Variants in ABAT observed in about 807,000 individuals in gnomAD.
The protein encoded by ABAT is 4-aminobutyrate aminotransferase, mitochondrial.
ABAT carries 45 observed loss-of-function variants against 64.6 expected under a neutral mutation model. The observed-to-expected ratio is 0.70, with a 90% CI of 0.55 to 0.89. ABAT has a LOEUF of 0.89. ABAT is among the 40% of genes least tolerant of loss of function. The pLI is 0.00. For synonymous variants in ABAT, 297 were observed against 250.5 expected (o/e 1.19, Z -1.75); for missense variants, 633 against 658.4 (o/e 0.96, Z 0.42).
intron 1 of ABAT, among the ~76,000 whole-genome samples, chr16:8,711,773 T>G (rs1596410833): frequency 2.0e-5 from 2 of 98,982 alleles, no homozygotes; most frequent in Admixed American, 1.0e-4. Flanking sequence ...GATGGATGGA[T>G]GGATGGATGG....
chr16:8,779,068 A>G (rs1436772755), intron 14 of ABAT, among the ~76,000 whole-genome samples: 1 of 152,202 alleles, frequency 6.6e-6, no homozygotes. Context: ...TGGAGCATCC[A>G]CCAAGTGCCC....
At chr16:8,741,428 T>C (rs566482958) in intron 2 of ABAT, among the ~76,000 whole-genome samples, 74 of 152,338 alleles carry the variant, frequency 4.9e-4, no homozygotes, top group African/African-American at 1.7e-3. Flanking sequence ...AGCTGTGTGA[T>C]CTTGGGCAAA....
intron 1 of ABAT, among the ~76,000 whole-genome samples, chr16:8,733,609 C>T (rs1410047829): frequency 2.0e-5 from 3 of 151,928 alleles, no homozygotes; most frequent in Non-Finnish European, 4.4e-5. Flanking sequence ...GCTGGCGGAT[C>T]ACTTGCGGTT....
chr16:8,768,252 C>G lies in ABAT; in HGVS notation c.663C>G (p.Thr221=). 6.2e-7 allele frequency: 1 copy of G among 1,614,020 alleles called. No individual in the cohort carries two copies. Among genetic ancestry groups the G allele is most frequent in the Non-Finnish European group, 8.5e-7 (1 of 1,180,042 alleles). ...LSFMGAFHGR[T]MGCLATTHSK... ...TCATGGGCGCGTTCCATGGGAGGAC[C>G]ATGGGTAAGGAGGGACCATTGCGCT... The change falls in exon 10 of 16, where the codon ACC becomes ACG. Residue 221 remains threonine (T), a synonymous_variant. Transcript: ENST00000268251.
rs977787136 is a variant in ABAT at position 8,781,178 on chromosome 16, A to G, written c.1382-131A>G. On this transcript the variant is annotated intron_variant, in intron 15 of 15. Coordinates refer to ENST00000268251, the MANE Select transcript of ABAT (RefSeq NM_020686.6). This position sits in a 1 kb window ranked among gnomAD's most constrained non-coding sequence, Gnocchi z 4.5. ...TGGTAGGAAGGAAGCCCGGGCTTCC[A>G]TGATGGAGGATGATGGATGGATGGA... 60 of 1,442,618 alleles carry G rather than the reference A, an allele frequency of 4.2e-5. 1 individual carries two copies. The East Asian group carries it at 1.4e-3, about 33-fold the overall frequency. 89.4% of individuals were successfully genotyped at this position (1,442,618 alleles called of 1,614,324 possible).
At chr16:8,710,376 A>C (rs756424543) in intron 1 of ABAT, among the ~76,000 whole-genome samples, 1 of 152,162 alleles carries the variant, frequency 6.6e-6, no homozygotes, top group African/African-American at 2.4e-5. Flanking sequence ...AGACTTTTGC[A>C]TGCCATTTCT....
intron 1 of ABAT, among the ~76,000 whole-genome samples, chr16:8,724,990 C>T (rs996897058): frequency 1.3e-5 from 2 of 151,186 alleles, no homozygotes; most frequent in Non-Finnish European, 2.9e-5. Context: ...CATCTCGGCT[C>T]ACCGCAACCT....
Position 8,764,608 on chromosome 16 carries a change from C to T in ABAT, c.448-130C>T. On this transcript the variant is annotated intron_variant, in intron 7 of 15. Transcript: ENST00000268251. The surrounding 1 kb of genome is among the most constrained non-coding windows in gnomAD (Gnocchi z 4.2). ...GCCTGAGCCCACCCTCCCAGTCCGA[C>T]ACCTTCCAGGACAGCCCTGGTTCTG... 1 of 908,586 alleles carries T rather than the reference C, an allele frequency of 1.1e-6. No homozygotes were observed. The highest frequency in any genetic ancestry group is 1.6e-5 in the African/African-American group (1 of 61,096). 56.3% of individuals were successfully genotyped at this position (908,586 alleles called of 1,614,324 possible).
chr16:8,694,314 C>A (rs966726139), intron 1 of ABAT, among the ~76,000 whole-genome samples: 1 of 151,992 alleles, frequency 6.6e-6, no homozygotes, highest in African/African-American at 2.4e-5. Flanking sequence ...TGAGCCACCG[C>A]GCCCGGCCCA....
At chr16:8,739,508 A>G (rs1326926395) in intron 2 of ABAT, among the ~76,000 whole-genome samples, 1 of 152,110 alleles carries the variant, frequency 6.6e-6, no homozygotes, top group East Asian at 1.9e-4. Context: ...ACCTGAGGTC[A>G]GGAGTTCAGG....
In ABAT at chr16:8,764,076, T is replaced by C; in HGVS notation, c.374T>C (p.Phe125Ser). The C allele has an allele frequency of 6.2e-7, 1 of 1,613,800 alleles. No homozygotes were observed. Among genetic ancestry groups the C allele is most frequent in the Non-Finnish European group, 8.5e-7 (1 of 1,179,996 alleles). Reference sequence around the variant, plus strand: ...TCTCTTGCCCTTTTGCAGAGCATGTTTGTCAACAGACCCGCCCTCGGAATC... The same window carrying C: ...TCTCTTGCCCTTTTGCAGAGCATGTCTGTCAACAGACCCGCCCTCGGAATC... ...LIQQPQNASM[F>S]VNRPALGILP... Residue 125 changes from phenylalanine to serine, a missense_variant, in exon 7 of 16, where the codon TTT becomes TCT. Physicochemically the swap from Phe to Ser is radical, Grantham distance 155. Transcript: ENST00000268251. The surrounding 1 kb of genome is among the most constrained non-coding windows in gnomAD (Gnocchi z 4.2).
chr16:8,748,344 C>A (rs1295290970), intron 4 of ABAT, among the ~76,000 whole-genome samples: 1 of 152,150 alleles, frequency 6.6e-6, no homozygotes, highest in African/African-American at 2.4e-5. Flanking sequence ...GTAAATTTCC[C>A]AAATTTCTTT....
At chr16:8,687,381 C>T (rs1015887942) in intron 1 of ABAT, among the ~76,000 whole-genome samples, 1 of 152,082 alleles carries the variant, frequency 6.6e-6, no homozygotes, top group Non-Finnish European at 1.5e-5. Context: ...AAAAAATTAG[C>T]TGGGTGTTGT....
Position 8,781,202 on chromosome 16 carries a change from GAT to G in ABAT, c.1382-106_1382-105del. On this transcript the variant is annotated intron_variant, in intron 15 of 15. Transcript: ENST00000268251. This position sits in a 1 kb window ranked among gnomAD's most constrained non-coding sequence, Gnocchi z 4.5. ...CATGATGGAGGATGATGGATGGATG[GAT>G]GGATGGATGGATGAGCGTTGCCAAC... 1 of 1,551,728 alleles carries G rather than the reference GAT, an allele frequency of 6.4e-7. No homozygotes were observed. Among genetic ancestry groups the G allele is most frequent in the Non-Finnish European group, 8.9e-7 (1 of 1,126,644 alleles).
rs765906752 is a variant in ABAT, at chr16:8,764,185, C to T, written c.447+36C>T. ...GAGAAGCAATCCCATTGTCTTCAGA[C>T]GTGGTACTGGCAGGGGAAGGGAAAA... On this transcript the variant is annotated intron_variant, in intron 7 of 15. Transcript: ENST00000268251. The surrounding 1 kb of genome is among the most constrained non-coding windows in gnomAD (Gnocchi z 4.2). 23 of 1,560,910 alleles carry T rather than the reference C, an allele frequency of 1.5e-5. No homozygotes were observed. In the African/African-American group the frequency reaches 2.2e-4, roughly 15 times the overall value.
At chr16:8,775,108 C>T in intron 13 of ABAT, 51 bp downstream of exon 13, 2 of 1,608,570 alleles carry the variant, frequency 1.2e-6, no homozygotes, top group Non-Finnish European at 1.7e-6. Context: ...AAGGGAGCAT[C>T]CTCTTCTCCT....
chr16:8,724,731 G>A (rs2058484430), intron 1 of ABAT, among the ~76,000 whole-genome samples: 3 of 73,194 alleles, frequency 4.1e-5, no homozygotes, highest in African/African-American at 1.3e-4. Flanking sequence ...CTTGTCTCAG[G>A]AAAAAAAAAA....
chr16:8,781,507 T>G lies in ABAT; in HGVS notation c.*77T>G. ...TTGATTAGTTTGCCTAATTCATGTT[T>G]TCACTTAAAAGTATCAGAGGTGAAT... is the stretch of plus-strand genomic sequence containing the variant. On this transcript the variant is annotated 3_prime_UTR_variant, in exon 16 of 16. Coordinates refer to ENST00000268251, the MANE Select transcript of ABAT (RefSeq NM_020686.6). The surrounding 1 kb of genome is among the most constrained non-coding windows in gnomAD (Gnocchi z 4.5). The G allele has an allele frequency of 6.3e-7, 1 of 1,596,998 alleles. No homozygotes were observed. The highest frequency in any genetic ancestry group is 8.6e-7 in the Non-Finnish European group (1 of 1,167,364).
At chr16:8,685,419 C>T (rs1290883206) in intron 1 of ABAT, among the ~76,000 whole-genome samples, 1 of 148,956 alleles carries the variant, frequency 6.7e-6, no homozygotes, top group Non-Finnish European at 1.5e-5. Flanking sequence ...GCCTGTAATC[C>T]AGCACTTTGG....
Sources: allele counts gnomAD v4.1 joint callset (sites outside exome capture counted in the v4.1 genomes callset), GRCh38; gene constraint gnomAD v4.1.1; non-coding constraint Gnocchi (gnomAD v3.1); transcripts MANE v1.5; gene names NCBI Gene and HGNC (gene_info 2026-07-23, HGNC 2026-07-21).